Variants in CSMD3 observed in about 807,000 individuals in gnomAD.
CSMD3 encodes CUB and sushi domain-containing protein 3.
A neutral mutation model predicts 435.2 loss-of-function variants in CSMD3; 177 were observed. That is an observed-to-expected ratio of 0.41 (90% CI 0.36 to 0.46). The LOEUF (loss-of-function observed/expected upper bound fraction) is 0.46. Among genes scored for constraint, CSMD3 ranks in the 20% least tolerant of loss-of-function variants. The pLI is 0.34. For missense variants in CSMD3, 4,265 were observed against 4,504.6 expected, an observed-to-expected ratio of 0.95 and a Z score of 1.52; for synonymous variants, 1,656 against 1,520.5, an observed-to-expected ratio of 1.09 and a Z score of -2.07.
In CSMD3 at chr8:112,609,201, C is replaced by CAA. The variant is rs71566035; in HGVS notation, c.3716-21968_3716-21967dup. 1.1e-3 allele frequency among the ~76,000 whole-genome samples: 47 copies of CAA among 43,082 alleles called. 3 individuals are homozygous for CAA. The highest frequency in any genetic ancestry group is 5.3e-3 in the Admixed American group (16 of 3,032). The allele number at this position is 43,082 out of a possible 152,430, so 28.3% of individuals were successfully genotyped here. A position where few individuals can be genotyped will look rare whatever the true frequency, so the allele number is the denominator to read the frequency against. On this transcript the variant is annotated intron_variant, in intron 22 of 70. Transcript: ENST00000297405. ...TGGGTGACAGAGAAAGATACTGCCT[C>CAA]AAAAAAAAAAAAAAAAAAAAAAAAA...
chr8:112,320,043 A>C, intron 45 of CSMD3, 62 bp from the exon 46 acceptor site: 1 of 1,014,722 alleles, frequency 9.9e-7, no homozygotes, highest in Non-Finnish European at 1.5e-6. Flanking sequence ...CACATATGCA[A>C]AAAAACAAGA....
chr8:112,899,958 A>C lies in CSMD3; in HGVS notation c.1633+21669T>G, dbSNP rs2082065961. Among the ~76,000 whole-genome samples, 4 of 150,982 alleles carry C rather than the reference A, an allele frequency of 2.6e-5. No individual in the cohort carries two copies. The South Asian group carries it at 8.3e-4, about 31-fold the overall frequency. On this transcript the variant is annotated intron_variant, in intron 10 of 70. Coordinates refer to ENST00000297405, the MANE Select transcript of CSMD3 (RefSeq NM_198123.2). ...TAGAATAAAGTACCTTCAATTTGGAAAGTTGTAATGTTTACTAAAGTAAAG... is the reference window on the plus strand; with the variant it reads ...TAGAATAAAGTACCTTCAATTTGGACAGTTGTAATGTTTACTAAAGTAAAG...
At chr8:113,293,484 TC>T (rs1287370592) in intron 2 of CSMD3, among the ~76,000 whole-genome samples, 2 of 152,022 alleles carry the variant, frequency 1.3e-5, no homozygotes, top group Non-Finnish European at 2.9e-5. Context: ...ACCATATGAT[TC>T]CCCATCTATA....
chr8:113,428,317 G>A (rs2094649347), intron 1 of CSMD3, among the ~76,000 whole-genome samples: 1 of 151,160 alleles, frequency 6.6e-6, no homozygotes, highest in Non-Finnish European at 1.5e-5. Flanking sequence ...AATTTTCAGG[G>A]CCTCAATGTT....
At chr8:113,112,210 T>C (rs572910068) in intron 4 of CSMD3, among the ~76,000 whole-genome samples, 1 of 151,410 alleles carries the variant, frequency 6.6e-6, no homozygotes, top group Admixed American at 6.6e-5. Context: ...TATTGCTGAG[T>C]AATATTCCAT....
chr8:112,551,290 TG>T (rs1827663345), intron 26 of CSMD3, among the ~76,000 whole-genome samples: 1 of 152,092 alleles, frequency 6.6e-6, no homozygotes, highest in Admixed American at 6.6e-5. Flanking sequence ...ATATGGCAAA[TG>T]GAGTTTAGAT....
At chr8:112,396,922 A>G (rs1325997268) in intron 35 of CSMD3, among the ~76,000 whole-genome samples, 2 of 152,174 alleles carry the variant, frequency 1.3e-5, no homozygotes, top group African/African-American at 4.8e-5. Context: ...AGTGAGATAA[A>G]AAGCTATCTG....
intron 27 of CSMD3, among the ~76,000 whole-genome samples, chr8:112,549,150 T>C (rs1586659466): frequency 1.3e-5 from 2 of 152,188 alleles, no homozygotes. Context: ...GAAAACACTA[T>C]GTATTACTAA....
At chr8:112,891,648 A>C (rs1019042935) in intron 10 of CSMD3, among the ~76,000 whole-genome samples, 2 of 151,512 alleles carry the variant, frequency 1.3e-5, no homozygotes, top group Non-Finnish European at 3.0e-5. Context: ...ATTCAGTTTA[A>C]CCAGGCAAAA....
At chr8:112,328,083 G>C (rs1383227309) in intron 45 of CSMD3, among the ~76,000 whole-genome samples, 1 of 152,168 alleles carries the variant, frequency 6.6e-6, no homozygotes, top group Non-Finnish European at 1.5e-5. Context: ...ATTCCTTACA[G>C]AGGACAGAAA....
chr8:113,189,090 C>A (rs2092549193), intron 3 of CSMD3, among the ~76,000 whole-genome samples: 1 of 151,660 alleles, frequency 6.6e-6, no homozygotes, highest in African/African-American at 2.4e-5. Context: ...CAAAGGTTTC[C>A]CAACGAAGCA....
intron 54 of CSMD3, among the ~76,000 whole-genome samples, chr8:112,293,035 G>A (rs1251068223): frequency 6.6e-6 from 1 of 152,050 alleles, no homozygotes; most frequent in African/African-American, 2.4e-5. Flanking sequence ...AAAGAGCAGA[G>A]TATTGAAATG....
chr8:112,774,510 A>C (rs999374234), intron 13 of CSMD3, among the ~76,000 whole-genome samples: 16 of 151,994 alleles, frequency 1.1e-4, no homozygotes, highest in Admixed American at 6.6e-5. Context: ...AATTATATGC[A>C]CTGAGTCGAA....
intron 29 of CSMD3, among the ~76,000 whole-genome samples, chr8:112,505,135 A>G (rs72676634): frequency 6.6e-6 from 1 of 152,264 alleles, no homozygotes; most frequent in Non-Finnish European, 1.5e-5. Flanking sequence ...AGTGGTAAAG[A>G]AAGAATGGGA....
Position 112,951,576 on chromosome 8 carries a change from A to G in CSMD3, c.1420+3108T>C, listed in dbSNP as rs144316874. Reference sequence around the variant, plus strand: ...CAAACAACACTGATATCAACATTGTATTGTTGTTTTTTATACTAAAACCCT... The same window carrying G: ...CAAACAACACTGATATCAACATTGTGTTGTTGTTTTTTATACTAAAACCCT... On this transcript the variant is annotated intron_variant, in intron 8 of 70. Transcript: ENST00000297405. Among the ~76,000 whole-genome samples the G allele has an allele frequency of 6.5e-3, 994 of 151,886 alleles. 12 individuals carry two copies. The highest frequency in any genetic ancestry group is 0.023 in the African/African-American group (952 of 41,498).
At chr8:113,060,813 C>T (rs1020328463) in intron 5 of CSMD3, among the ~76,000 whole-genome samples, 1 of 152,142 alleles carries the variant, frequency 6.6e-6, no homozygotes, top group Non-Finnish European at 1.5e-5. Context: ...AAAAGCATAA[C>T]TCTCTACCCT....
At chr8:113,199,202 A>G (rs1279761408) in intron 3 of CSMD3, among the ~76,000 whole-genome samples, 1 of 151,358 alleles carries the variant, frequency 6.6e-6, no homozygotes, top group African/African-American at 2.4e-5. Context: ...CAAAATGTCA[A>G]TGACTAAAAG....
chr8:112,320,228 G>A (rs1334181064), intron 45 of CSMD3, among the ~76,000 whole-genome samples: 1 of 151,352 alleles, frequency 6.6e-6, no homozygotes, highest in Non-Finnish European at 1.5e-5. Flanking sequence ...TTGTTATGTG[G>A]TTCAAAACAC....
intron 4 of CSMD3, among the ~76,000 whole-genome samples, chr8:113,134,128 G>A (rs2091355259): frequency 6.6e-6 from 1 of 152,094 alleles, no homozygotes; most frequent in African/African-American, 2.4e-5. Context: ...GCAAACTGTA[G>A]TGATTAGAAG....
Sources: allele counts gnomAD v4.1 joint callset (sites outside exome capture counted in the v4.1 genomes callset), GRCh38; gene constraint gnomAD v4.1.1; transcripts MANE v1.5; gene names NCBI Gene and HGNC (gene_info 2026-07-23, HGNC 2026-07-21).